Variants in HHAT observed in about 807,000 individuals in gnomAD.
HHAT encodes the protein protein-cysteine N-palmitoyltransferase HHAT.
HHAT carries 47 observed loss-of-function variants against 70.8 expected under a neutral mutation model. That is an observed-to-expected ratio of 0.66 (90% CI 0.53 to 0.85). The LOEUF (loss-of-function observed/expected upper bound fraction) is 0.85. Ranked by LOEUF, HHAT falls within the 40% of genes least tolerant of loss-of-function variation. HHAT has a pLI of 0.00. For missense variants in HHAT, 609 were observed against 604.8 expected (o/e 1.01, Z -0.07); for synonymous variants, 228 against 247.6 (o/e 0.92, Z 0.74).
chr1:210,455,125 C>T (rs541534525), intron 7 of HHAT, among the ~76,000 whole-genome samples: 29 of 152,258 alleles, frequency 1.9e-4, no homozygotes, highest in African/African-American at 5.8e-4. Flanking sequence ...TGACCTTGAC[C>T]GAGACCACCT....
At chr1:210,671,292 C>T (rs1021514566) in intron 11 of HHAT, among the ~76,000 whole-genome samples, 2 of 152,186 alleles carry the variant, frequency 1.3e-5, no homozygotes, top group Non-Finnish European at 2.9e-5. Context: ...AAGCCCGCTC[C>T]CCTCATCCTG....
chr1:210,559,197 A>C (rs939044249), intron 9 of HHAT, among the ~76,000 whole-genome samples: 6 of 152,208 alleles, frequency 3.9e-5, no homozygotes, highest in Middle Eastern at 3.4e-3. Flanking sequence ...GCTTTATTGT[A>C]TTTTTAAAAT....
chr1:210,328,103 C>T (rs2084690761), upstream of HHAT: 1 of 152,176 alleles, frequency 6.6e-6, no homozygotes, highest in Non-Finnish European at 1.5e-5. Flanking sequence ...CAGAGTTATC[C>T]ACCTTCACCT....
chr1:210,569,373 C>CAAAAAA lies in HHAT; in HGVS notation c.1044-18504_1044-18499dup, dbSNP rs71146233. ...CGGGCGACAGAGCCAGAGTCTGCCT[C>CAAAAAA]AAAAAAAAAAAAAAAAAAAAAAAAA... On this transcript the variant is annotated intron_variant, in intron 9 of 11. Transcript: ENST00000261458. 2.1e-4 allele frequency among the ~76,000 whole-genome samples: 6 copies of CAAAAAA among 28,344 alleles called. 2 individuals carry two copies. The South Asian group carries it at 9.7e-3, about 46-fold the overall frequency. 18.6% of individuals were successfully genotyped at this position (28,344 alleles called of 152,430 possible).
chr1:210,363,687 G>A lies in HHAT; in HGVS notation c.159+768G>A, dbSNP rs376930372. On this transcript the variant is annotated intron_variant, in intron 3 of 11. Coordinates refer to ENST00000261458, the MANE Select transcript of HHAT (RefSeq NM_018194.6). ...GGGCCCAGGTCATGGTGGGGGCTTC[G>A]GGTCAAGGCTAATTATTGGCTGTAT... Among the ~76,000 whole-genome samples, 17 of 152,202 alleles carry A rather than the reference G, an allele frequency of 1.1e-4. No individual in the cohort carries two copies. In the South Asian group the frequency reaches 1.2e-3, roughly 11 times the overall value.
intron 4 of HHAT, among the ~76,000 whole-genome samples, chr1:210,394,054 T>C (rs1446790663): frequency 6.6e-6 from 1 of 152,158 alleles, no homozygotes; most frequent in Admixed American, 6.5e-5. Context: ...TCCTAAACTA[T>C]AGGCAACACT....
intron 7 of HHAT, among the ~76,000 whole-genome samples, chr1:210,422,534 T>G (rs2092934358): frequency 6.6e-6 from 1 of 152,244 alleles, no homozygotes; most frequent in Non-Finnish European, 1.5e-5. Context: ...CTTATTTCAC[T>G]TAACAGAATG....
intron 3 of HHAT, among the ~76,000 whole-genome samples, chr1:210,384,052 G>GT (rs2090861495): frequency 6.6e-6 from 1 of 152,174 alleles, no homozygotes; most frequent in South Asian, 2.1e-4. Context: ...TCTGCTGTGG[G>GT]TAGGAAAAGA....
chr1:210,592,953 A>AT (rs1662092222), intron 10 of HHAT, among the ~76,000 whole-genome samples: 1 of 151,464 alleles, frequency 6.6e-6, no homozygotes, highest in Non-Finnish European at 1.5e-5. Context: ...ATATGTATAC[A>AT]TGTGCCATGT....
At chr1:210,573,911 A>G (rs1656986110) in intron 9 of HHAT, among the ~76,000 whole-genome samples, 1 of 152,240 alleles carries the variant, frequency 6.6e-6, no homozygotes, top group South Asian at 2.1e-4. Context: ...AAAGAGATGA[A>G]CCAGGGAAAT....
intron 9 of HHAT, among the ~76,000 whole-genome samples, chr1:210,557,678 A>G (rs1393509675): frequency 1.3e-5 from 2 of 152,168 alleles, no homozygotes; most frequent in Non-Finnish European, 2.9e-5. Context: ...AACCCCTGAT[A>G]AACTATCAGA....
chr1:210,454,425 G>A (rs1572558015), intron 7 of HHAT, among the ~76,000 whole-genome samples: 1 of 152,114 alleles, frequency 6.6e-6, no homozygotes, highest in African/African-American at 2.4e-5. Context: ...GTGGTGGCGG[G>A]TGCCTGTAGT....
In HHAT at chr1:210,464,041, G is replaced by A. The variant is rs142771218; in HGVS notation, c.857-464G>A. Among the ~76,000 whole-genome samples, 200 of 152,160 alleles carry A rather than the reference G, an allele frequency of 1.3e-3. 1 individual carries two copies. Among genetic ancestry groups the A allele is most frequent in the African/African-American group, 4.6e-3 (190 of 41,524 alleles). On this transcript the variant is annotated intron_variant, in intron 7 of 11. Coordinates refer to ENST00000261458, the MANE Select transcript of HHAT (RefSeq NM_018194.6). ...CTGATACCTCAAGCGTTTATCTTTT[G>A]TGTTACAAATAACCCAATTGTATTC...
At chr1:210,658,850 C>T (rs767331813) in intron 11 of HHAT, among the ~76,000 whole-genome samples, 52 of 152,204 alleles carry the variant, frequency 3.4e-4, no homozygotes, top group Non-Finnish European at 4.1e-4. Context: ...GGGTAAATAA[C>T]GAAATGAAGG....
intron 3 of HHAT, among the ~76,000 whole-genome samples, chr1:210,374,837 G>T (rs535228637): frequency 6.7e-6 from 1 of 149,016 alleles, no homozygotes; most frequent in East Asian, 2.0e-4. Flanking sequence ...TATTACCTGG[G>T]TATATTGTGT....
chr1:210,508,977 G>T (rs1441251322), intron 8 of HHAT, among the ~76,000 whole-genome samples: 1 of 152,172 alleles, frequency 6.6e-6, no homozygotes, highest in Non-Finnish European at 1.5e-5. Flanking sequence ...TTGAGATTAG[G>T]TTGTGGACAT....
chr1:210,345,918 GC>G (rs1468119359), intron 1 of HHAT, among the ~76,000 whole-genome samples: 1 of 150,330 alleles, frequency 6.7e-6, no homozygotes, highest in Non-Finnish European at 1.5e-5. Flanking sequence ...TAAAAAACTA[GC>G]CTGGCATTGT....
At chr1:210,459,226 A>G (rs963541527) in intron 7 of HHAT, among the ~76,000 whole-genome samples, 1 of 152,050 alleles carries the variant, frequency 6.6e-6, no homozygotes, top group Admixed American at 6.6e-5. Flanking sequence ...CCTACAGAAG[A>G]CTCGTTGATT....
intron 9 of HHAT, among the ~76,000 whole-genome samples, chr1:210,542,160 G>A (rs2095436782): frequency 6.6e-6 from 1 of 152,178 alleles, no homozygotes; most frequent in Non-Finnish European, 1.5e-5. Flanking sequence ...ACAGGAAGTT[G>A]TCACTATTGA....
Sources: gnomAD v4.1 joint callset for allele counts (sites outside exome capture counted in the v4.1 genomes callset) on GRCh38, gnomAD v4.1.1 for gene constraint, MANE v1.5 for transcripts, NCBI Gene and HGNC (gene_info 2026-07-23, HGNC 2026-07-21) for gene names.